MLLT10: variants seen among roughly 807,000 people sequenced by gnomAD.
The protein encoded by MLLT10 is protein AF-10.
MLLT10 carries 30 observed loss-of-function variants against 129.1 expected under a neutral mutation model. The observed-to-expected ratio is 0.23, with a 90% confidence interval of 0.17 to 0.32. The LOEUF is 0.32. Ranked by LOEUF, MLLT10 falls within the 10% of genes least tolerant of loss-of-function variation. MLLT10 has a pLI of 1.00. For missense variants in MLLT10, 1,119 were observed against 1,268.3 expected, an observed-to-expected ratio of 0.88 and a Z score of 1.79; for synonymous variants, 490 against 446.4, an observed-to-expected ratio of 1.10 and a Z score of -1.23.
chr10:21,636,472 A>G (rs564976893), intron 8 of MLLT10, among the ~76,000 whole-genome samples: 2 of 151,948 alleles, frequency 1.3e-5, no homozygotes, highest in South Asian at 2.1e-4. Context: ...TATTGTCTTT[A>G]TATATGTATA....
intron 3 of MLLT10, among the ~76,000 whole-genome samples, chr10:21,570,401 A>G (rs1246364184): frequency 1.3e-5 from 2 of 152,188 alleles, no homozygotes; most frequent in Non-Finnish European, 2.9e-5. Context: ...AGTGACTGAT[A>G]GTTCATTAAA....
chr10:21,616,105 G>C (rs2045227515), intron 7 of MLLT10, among the ~76,000 whole-genome samples: 1 of 152,080 alleles, frequency 6.6e-6, no homozygotes, highest in Non-Finnish European at 1.5e-5. Flanking sequence ...AATTACTTAA[G>C]AGTGTGTATC....
intron 8 of MLLT10, among the ~76,000 whole-genome samples, chr10:21,620,610 ACTTT>A (rs1422974800): frequency 6.6e-5 from 10 of 152,240 alleles, no homozygotes; most frequent in African/African-American, 2.2e-4. Flanking sequence ...ACATTGAACC[ACTTT>A]CTTTCTGAAT....
In MLLT10 at chr10:21,534,306, G is replaced by GCCCCCCCCCC; in HGVS notation, c.-208_-207insCCCCCCCCCC. 2.1e-5 allele frequency: 7 copies of GCCCCCCCCCC among 328,350 alleles called. No homozygotes were observed. Among genetic ancestry groups the GCCCCCCCCCC allele is most frequent in the Non-Finnish European group, 2.7e-5 (5 of 183,258 alleles). The allele number at this position is 328,350 out of a possible 1,614,324, so 20.3% of individuals were successfully genotyped here. The stretch of plus-strand genomic sequence containing the variant: ...CCTCGCTGCCCCTGGCCCAGCGGGA[G>GCCCCCCCCCC]CCCCCCCTCCCCCCAGTGCGCCTGT... On this transcript the variant is annotated 5_prime_UTR_variant, in exon 1 of 23. Transcript: ENST00000307729.
chr10:21,549,471 C>T (rs1306385191), intron 3 of MLLT10, among the ~76,000 whole-genome samples: 1 of 152,066 alleles, frequency 6.6e-6, no homozygotes, highest in Non-Finnish European at 1.5e-5. Flanking sequence ...TCTCTTAAGT[C>T]ACTAGGGAGT....
At chr10:21,600,622 T>A (rs2131151062) in intron 5 of MLLT10, among the ~76,000 whole-genome samples, 1 of 152,326 alleles carries the variant, frequency 6.6e-6, no homozygotes, top group Non-Finnish European at 1.5e-5. Context: ...AAATGTTTAT[T>A]TTTGCTTGAC....
At chr10:21,640,403 G>C (rs2047892511) in intron 8 of MLLT10, among the ~76,000 whole-genome samples, 1 of 150,072 alleles carries the variant, frequency 6.7e-6, no homozygotes, top group African/African-American at 2.5e-5. Context: ...TATCACAGAA[G>C]TCTATCATTT....
At chr10:21,548,287 T>C (rs2036428782) in intron 3 of MLLT10, among the ~76,000 whole-genome samples, 4 of 152,164 alleles carry the variant, frequency 2.6e-5, no homozygotes, top group Non-Finnish European at 5.9e-5. Context: ...TCATTAACTT[T>C]TCTTTTCCTA....
chr10:21,554,393 C>T (rs948686173), intron 3 of MLLT10, among the ~76,000 whole-genome samples: 3 of 151,870 alleles, frequency 2.0e-5, no homozygotes, highest in African/African-American at 7.3e-5. Context: ...AAGTGATTCT[C>T]TCAGCCTTCC....
intron 8 of MLLT10, chr10:21,626,098 C>G (rs1407954763): frequency 8.7e-6 from 14 of 1,607,856 alleles, no homozygotes; most frequent in South Asian, 1.1e-5. Context: ...TGGACTCTTG[C>G]ACCTAGCTCC....
chr10:21,630,450 A>G (rs370591819), intron 8 of MLLT10, among the ~76,000 whole-genome samples: 4 of 152,246 alleles, frequency 2.6e-5, no homozygotes, highest in Non-Finnish European at 5.9e-5. Flanking sequence ...ACAGTTCTCC[A>G]TGGTTCTCAC....
intron 5 of MLLT10, among the ~76,000 whole-genome samples, chr10:21,605,836 G>A (rs2044007216): frequency 6.6e-6 from 1 of 152,136 alleles, no homozygotes; most frequent in Non-Finnish European, 1.5e-5. Flanking sequence ...CTTAATTTTA[G>A]TAAGATGTAT....
At chr10:21,566,824 T>C (rs141268071) in intron 3 of MLLT10, among the ~76,000 whole-genome samples, 3 of 152,146 alleles carry the variant, frequency 2.0e-5, no homozygotes, top group African/African-American at 7.2e-5. Context: ...TTTTTTCTTC[T>C]TTTTTTGATA....
intron 8 of MLLT10, among the ~76,000 whole-genome samples, chr10:21,627,502 A>T (rs557105702): frequency 6.6e-6 from 1 of 152,196 alleles, no homozygotes; most frequent in Admixed American, 6.5e-5. Flanking sequence ...TTTAGCTGTC[A>T]TGTCTATTCA....
intron 4 of MLLT10, 32 bp from the exon 5 acceptor site, chr10:21,595,299 T>A: frequency 6.4e-7 from 1 of 1,565,228 alleles, no homozygotes; most frequent in Non-Finnish European, 8.8e-7. Flanking sequence ...TCGATAAAAC[T>A]GAAAAGATGA....
At chr10:21,538,987 T>A in intron 3 of MLLT10, 75 bp downstream of exon 3, 1 of 1,024,260 alleles carries the variant, frequency 9.8e-7, no homozygotes, top group Non-Finnish European at 1.5e-6. Flanking sequence ...CCTGTTGTGG[T>A]TTGTGGGGTT....
intron 13 of MLLT10, among the ~76,000 whole-genome samples, chr10:21,699,988 A>G (rs1293907240): frequency 6.6e-6 from 1 of 152,102 alleles, no homozygotes; most frequent in African/African-American, 2.4e-5. Context: ...AATGATACTA[A>G]TTCTTCCAAT....
chr10:21,709,264 G>A (rs1339361161), intron 13 of MLLT10, among the ~76,000 whole-genome samples: 1 of 148,912 alleles, frequency 6.7e-6, no homozygotes, highest in East Asian at 2.0e-4. Context: ...TTGAGATGGA[G>A]TCTTGCTCTG....
intron 3 of MLLT10, among the ~76,000 whole-genome samples, chr10:21,539,161 A>G (rs1026832967): frequency 1.3e-5 from 2 of 152,252 alleles, no homozygotes; most frequent in Admixed American, 6.5e-5. Flanking sequence ...GGCTTTGTTA[A>G]CTAGTTACAG....
Sources: gnomAD v4.1 joint callset for allele counts (sites outside exome capture counted in the v4.1 genomes callset) on GRCh38, gnomAD v4.1.1 for gene constraint, MANE v1.5 for transcripts, NCBI Gene and HGNC (gene_info 2026-07-23, HGNC 2026-07-21) for gene names.